ANO5: variants seen among roughly 807,000 people sequenced by gnomAD.
The protein encoded by ANO5 is anoctamin 5, also known as anoctamin-5.
Under a neutral mutation model 121.0 loss-of-function variants are expected in ANO5, and 109 were observed. The ratio of observed to expected loss-of-function variants is 0.90; its 90% CI spans 0.77 to 1.06. The LOEUF is 1.06. ANO5 is among the 50% of genes least tolerant of loss of function. The pLI is 0.00. For missense variants in ANO5, 1,064 were observed against 1,078.5 expected (o/e 0.99, Z 0.19); for synonymous variants, 406 against 359.9 (o/e 1.13, Z -1.45).
intron 1 of ANO5, 123 bp downstream of exon 1, chr11:22,193,655 T>G: frequency 8.0e-7 from 1 of 1,250,960 alleles, no homozygotes; most frequent in Non-Finnish European, 1.1e-6. Context: ...GGAGGTTCGC[T>G]GCGTGGCGTG....
chr11:22,250,696 C>T (rs370173930), intron 10 of ANO5, 45 bp from the exon 11 acceptor site: 2 of 1,570,882 alleles, frequency 1.3e-6, no homozygotes, highest in Non-Finnish European at 1.8e-6. Context: ...GGACTTTTAC[C>T]TAAACACCTA....
intron 7 of ANO5, among the ~76,000 whole-genome samples, chr11:22,234,858 A>G (rs1478505280): frequency 6.6e-6 from 1 of 152,062 alleles, no homozygotes; most frequent in Non-Finnish European, 1.5e-5. Flanking sequence ...ATCCATCAGA[A>G]CAAGCAGTTG....
intron 17 of ANO5, among the ~76,000 whole-genome samples, chr11:22,269,183 GA>G (rs1407482148): frequency 5.6e-5 from 8 of 143,988 alleles, no homozygotes; most frequent in Non-Finnish European, 9.0e-5. Flanking sequence ...GGAAGAGAAG[GA>G]AAAGGGAAGG....
At chr11:22,250,462 G>T in intron 10 of ANO5, 91 bp downstream of exon 10, 3 of 1,539,466 alleles carry the variant, frequency 1.9e-6, no homozygotes, top group Non-Finnish European at 2.7e-6. Context: ...ATTTCCTTCA[G>T]AATGTTTCCT....
chr11:22,274,546 CTCTT>C lies in ANO5; in HGVS notation c.2236-21_2236-18del, dbSNP rs750964625. 8.4e-5 allele frequency: 129 copies of C among 1,544,326 alleles called. No individual in the cohort carries two copies. Among genetic ancestry groups the C allele is most frequent in the Non-Finnish European group, 1.0e-4 (115 of 1,146,908 alleles). Reference sequence around the variant, plus strand: ...ACTAAATTGGCAGCTGATGATCTTCCTCTTTTTTTTTTTATTCTTCAGGCCTTTA... The same window carrying C: ...ACTAAATTGGCAGCTGATGATCTTCCTTTTTTTTTATTCTTCAGGCCTTTA... On this transcript the variant is annotated intron_variant, in intron 19 of 21. Coordinates refer to ENST00000324559, the MANE Select transcript of ANO5 (RefSeq NM_213599.3).
chr11:22,192,884 C>T (rs1851690273), upstream of ANO5: 3 of 738,150 alleles, frequency 4.1e-6, no homozygotes, highest in South Asian at 1.2e-4. Flanking sequence ...GGAGGAGGTG[C>T]GGGAGGCGGC....
chr11:22,221,002 C>A lies in ANO5; in HGVS notation c.181-95C>A, dbSNP rs566999729. The A allele has an allele frequency of 6.4e-5, 58 of 900,606 alleles. No individual in the cohort carries two copies. The East Asian group carries it at 1.5e-3, about 23-fold the overall frequency. The allele number at this position is 900,606 out of a possible 1,614,324, so 55.8% of individuals were successfully genotyped here. ...GTTGCTGAAAACTCTGGTTATTTGTCTTGATTTGACTAAATTATAAATAAT... is the reference window on the plus strand; with the variant it reads ...GTTGCTGAAAACTCTGGTTATTTGTATTGATTTGACTAAATTATAAATAAT... On this transcript the variant is annotated intron_variant, in intron 4 of 21. Coordinates refer to ENST00000324559, the MANE Select transcript of ANO5 (RefSeq NM_213599.3).
Position 22,274,650 on chromosome 11 carries a change from A to T in ANO5, c.2317A>T (p.Met773Leu). 1 of 1,613,436 alleles carries T rather than the reference A, an allele frequency of 6.2e-7. No individual in the cohort carries two copies. The highest frequency in any genetic ancestry group is 8.5e-7 in the Non-Finnish European group (1 of 1,179,590). Residue 773 changes from methionine to leucine, a missense_variant, in exon 20 of 22, where the codon ATG becomes TTG. Transcript: ENST00000324559. ...TTACTCAACAAATGCCACACAGCCTATGACAGGATATGTGAATAATAGCCT... is the reference window on the plus strand; with the variant it reads ...TTACTCAACAAATGCCACACAGCCTTTGACAGGATATGTGAATAATAGCCT... ...YAYSTNATQP[M>L]TGYVNNSLSV...
At position 22,257,710 on chromosome 11, in the gene ANO5, C is replaced by T. The variant is rs200633920; in HGVS notation, c.1363C>T (p.Arg455Cys). The change falls in exon 14 of 22, where the codon CGT (arginine) becomes TGT (cysteine). Residue 455 changes from arginine to cysteine, a missense_variant. By Grantham distance (180) the Arg-to-Cys change is radical. Coordinates refer to ENST00000324559, the MANE Select transcript of ANO5 (RefSeq NM_213599.3). ...EMEPYMPLYT[R>C]IPWYFLSGAT... ...GGAACCTTACATGCCTCTATACACGCGTATTCCATGGTACTTTCTTTCAGG... is the reference window on the plus strand; with the variant it reads ...GGAACCTTACATGCCTCTATACACGTGTATTCCATGGTACTTTCTTTCAGG... The T allele has an allele frequency of 1.1e-5, 18 of 1,612,338 alleles. No individual in the cohort carries two copies. Among genetic ancestry groups the T allele is most frequent in the East Asian group, 4.5e-5 (2 of 44,830 alleles).
chr11:22,269,092 G>T (rs1221217417), intron 17 of ANO5, among the ~76,000 whole-genome samples: 2 of 148,096 alleles, frequency 1.4e-5, no homozygotes, highest in Non-Finnish European at 1.5e-5. Context: ...AAGGACGGAA[G>T]GAAGCAAGGA....
Position 22,263,016 on chromosome 11 carries a change from T to C in ANO5, c.1871T>C (p.Phe624Ser), listed in dbSNP as rs1854244104. The change falls in exon 17 of 22, where the codon TTT becomes TCT. Residue 624 changes from phenylalanine (F) to serine (S), a missense_variant. Transcript: ENST00000324559. ...LTIIMTGKQIFGNIKEAIYPL... is the reference protein window; with the variant it reads ...LTIIMTGKQISGNIKEAIYPL... Reference sequence around the variant, plus strand: ...ATTATAATGACCGGGAAACAGATTTTTGGAAACATTAAAGAAGCCATTTAT... The same window carrying C: ...ATTATAATGACCGGGAAACAGATTTCTGGAAACATTAAAGAAGCCATTTAT... 1.9e-6 allele frequency: 3 copies of C among 1,613,388 alleles called. No individual in the cohort carries two copies. Among genetic ancestry groups the C allele is most frequent in the Non-Finnish European group, 2.5e-6 (3 of 1,179,490 alleles).
chr11:22,260,660 A>C (rs1854160551), intron 15 of ANO5, among the ~76,000 whole-genome samples: 1 of 152,202 alleles, frequency 6.6e-6, no homozygotes, highest in Non-Finnish European at 1.5e-5. Flanking sequence ...TTCACATTAC[A>C]GGTTTTGTAG....
Position 22,196,135 on chromosome 11 carries a change from A to G in ANO5, c.40+2603A>G, listed in dbSNP as rs1461630907. 2.0e-5 allele frequency among the ~76,000 whole-genome samples: 3 copies of G among 152,278 alleles called. No homozygotes were observed. The East Asian group carries it at 5.8e-4, about 29-fold the overall frequency. On this transcript the variant is annotated intron_variant, in intron 1 of 21. Transcript: ENST00000324559. ...TATAACAGAATACCACAGCCTGGGT[A>G]ATTTATAAAGAAAATATTTCGCTTT...
chr11:22,263,734 A>C (rs1216288107), intron 17 of ANO5, among the ~76,000 whole-genome samples: 1 of 152,180 alleles, frequency 6.6e-6, no homozygotes, highest in Admixed American at 6.5e-5. Context: ...TTTGGCATGC[A>C]ATACAAAGTG....
At chr11:22,221,278 T>G in intron 5 of ANO5, 68 bp downstream of exon 5, 1 of 1,292,272 alleles carries the variant, frequency 7.7e-7, no homozygotes, top group Non-Finnish European at 1.1e-6. Flanking sequence ...CATGGATATC[T>G]GGATTGAATT....
In ANO5 at chr11:22,263,137, T is replaced by C. The variant is rs1370476488; in HGVS notation, c.1898+94T>C. On this transcript the variant is annotated intron_variant, in intron 17 of 21. Transcript: ENST00000324559. ...GAATTTTTTGATTACCATGGTGCCT[T>C]TGTTAGAAAATGTTTAAGCCAAAAG... 1.0e-5 allele frequency: 11 copies of C among 1,060,598 alleles called. No homozygotes were observed. In the Admixed American group the frequency reaches 1.7e-4, roughly 16 times the overall value. 65.7% of individuals were successfully genotyped at this position (1,060,598 alleles called of 1,614,324 possible). A position where few individuals can be genotyped will look rare whatever the true frequency, so the allele number is the denominator to read the frequency against.
chr11:22,276,937 C>G (rs1468648077), intron 21 of ANO5, among the ~76,000 whole-genome samples: 1 of 151,146 alleles, frequency 6.6e-6, no homozygotes, highest in Non-Finnish European at 1.5e-5. Context: ...TTATTGTTAT[C>G]AAGGTTTCAC....
intron 21 of ANO5, among the ~76,000 whole-genome samples, chr11:22,276,577 CT>C (rs1428479933): frequency 6.6e-6 from 1 of 151,718 alleles, no homozygotes; most frequent in Non-Finnish European, 1.5e-5. Context: ...GAAAAGGAAT[CT>C]GAGATTCAGC....
Position 22,239,657 on chromosome 11 carries a change from A to G in ANO5, c.851A>G (p.Tyr284Cys), listed in dbSNP as rs1340338788. The G allele has an allele frequency of 1.9e-6, 3 of 1,610,926 alleles. No individual in the cohort carries two copies. Among genetic ancestry groups the G allele is most frequent in the Non-Finnish European group, 2.5e-6 (3 of 1,177,306 alleles). ...AATTGGGCTCGATTTTCCTATTTCT[A>G]CAAGGAGCAGCCTTTAGACTTGATT... ...HQNWARFSYF[Y>C]KEQPLDLIKN... is the part of the protein sequence containing the mutation. Residue 284 changes from tyrosine to cysteine, a missense_variant, in exon 9 of 22, where the codon TAC becomes TGC. Tyr to Cys is a radical substitution (Grantham distance 194). Coordinates refer to ENST00000324559, the MANE Select transcript of ANO5 (RefSeq NM_213599.3).
Sources: allele counts gnomAD v4.1 joint callset (sites outside exome capture counted in the v4.1 genomes callset), GRCh38; gene constraint gnomAD v4.1.1; transcripts MANE v1.5; gene names NCBI Gene and HGNC (gene_info 2026-07-23, HGNC 2026-07-21).